The following UBR3 variants were observed in gnomAD, a reference collection of about 807,000 sequenced individuals.
UBR3 encodes E3 ubiquitin-protein ligase UBR3.
A neutral mutation model predicts 243.2 loss-of-function variants in UBR3; 85 were observed. The observed-to-expected ratio is 0.35, with a 90% CI of 0.29 to 0.42. The LOEUF is 0.42. Ranked by LOEUF, UBR3 falls within the 10% of genes least tolerant of loss-of-function variation. UBR3 has a pLI of 1.00. For synonymous variants in UBR3, 748 were observed against 799.8 expected (o/e 0.94, Z 1.09); for missense variants, 1,686 against 2,300.8 (o/e 0.73, Z 5.47).
chr2:169,909,115 G>T (rs1195049367), intron 10 of UBR3, among the ~76,000 whole-genome samples: 1 of 152,136 alleles, frequency 6.6e-6, no homozygotes, highest in Non-Finnish European at 1.5e-5. Flanking sequence ...GAGCCACCAC[G>T]CCCGGCCTTG....
At chr2:170,023,795 CTTGA>C (rs2090455173) in intron 30 of UBR3, among the ~76,000 whole-genome samples, 5 of 152,006 alleles carry the variant, frequency 3.3e-5, no homozygotes, top group Non-Finnish European at 7.4e-5. Context: ...GTTTCACCGT[CTTGA>C]ACTCCTGAAC....
At chr2:170,069,861 A>G (rs754644861) in intron 35 of UBR3, among the ~76,000 whole-genome samples, 2 of 152,120 alleles carry the variant, frequency 1.3e-5, no homozygotes, top group Non-Finnish European at 2.9e-5. Context: ...AGTCCCTTAC[A>G]TAAAATAGTG....
intron 19 of UBR3, among the ~76,000 whole-genome samples, chr2:169,936,541 C>T (rs2086338443): frequency 6.6e-6 from 1 of 150,878 alleles, no homozygotes; most frequent in Admixed American, 6.6e-5. Flanking sequence ...TATTATTATA[C>T]TTTAAGTTCT....
chr2:170,047,083 C>T (rs561797795), intron 32 of UBR3, among the ~76,000 whole-genome samples: 5 of 152,276 alleles, frequency 3.3e-5, no homozygotes, highest in African/African-American at 9.6e-5. Flanking sequence ...CAGCCTTGAC[C>T]TCCTGGGCTC....
intron 38 of UBR3, among the ~76,000 whole-genome samples, chr2:170,081,364 G>GT (rs945963442): frequency 1.3e-5 from 2 of 152,038 alleles, no homozygotes; most frequent in African/African-American, 4.8e-5. Flanking sequence ...GCCGGGTGTG[G>GT]TGGCGGGCCC....
chr2:170,076,164 C>T (rs982043899), intron 36 of UBR3, among the ~76,000 whole-genome samples: 9 of 152,238 alleles, frequency 5.9e-5, no homozygotes, highest in South Asian at 4.1e-4. Flanking sequence ...AGTGGTGGGG[C>T]AGGATCTTGT....
At chr2:169,902,612 TC>T (rs2084870697) in intron 8 of UBR3, among the ~76,000 whole-genome samples, 1 of 65,104 alleles carries the variant, frequency 1.5e-5, no homozygotes, top group African/African-American at 5.8e-5. Context: ...CTCAGGAGAG[TC>T]TTTTTTTTTT....
At chr2:170,035,240 T>G (rs572049460) in intron 31 of UBR3, among the ~76,000 whole-genome samples, 1 of 152,156 alleles carries the variant, frequency 6.6e-6, no homozygotes, top group Admixed American at 6.6e-5. Flanking sequence ...ATCTAAAAAG[T>G]CATTGCCATA....
At chr2:169,890,055 A>G (rs1189192365) in intron 5 of UBR3, among the ~76,000 whole-genome samples, 3 of 152,170 alleles carry the variant, frequency 2.0e-5, no homozygotes, top group Admixed American at 2.0e-4. Context: ...GAAGTTGTTG[A>G]TTCATATGTA....
chr2:169,890,551 A>ATATATATGTG (rs1553504478), intron 5 of UBR3, among the ~76,000 whole-genome samples: 32 of 102,018 alleles, frequency 3.1e-4, no homozygotes, highest in African/African-American at 1.4e-3. Context: ...ATATATATAT[A>ATATATATGTG]TATATATATA....
intron 35 of UBR3, among the ~76,000 whole-genome samples, chr2:170,071,836 G>C (rs572443408): frequency 6.6e-6 from 1 of 152,248 alleles, no homozygotes; most frequent in East Asian, 1.9e-4. Context: ...GCATTAGGAG[G>C]ACAGAGTTCC....
At chr2:169,991,854 T>A (rs2089289854) in intron 25 of UBR3, among the ~76,000 whole-genome samples, 2 of 152,148 alleles carry the variant, frequency 1.3e-5, no homozygotes, top group Admixed American at 1.3e-4. Context: ...AGTGTTGGGA[T>A]TACAGGTGTG....
chr2:170,035,910 T>TTTTGGG (rs71006065), intron 31 of UBR3, among the ~76,000 whole-genome samples: 1 of 120,340 alleles, frequency 8.3e-6, no homozygotes, highest in Non-Finnish European at 1.7e-5. Flanking sequence ...AGTATTTTAT[T>TTTTGGG]GGGGGGGGGG....
chr2:169,959,547 A>G (rs2087469063), intron 24 of UBR3, among the ~76,000 whole-genome samples: 1 of 152,072 alleles, frequency 6.6e-6, no homozygotes, highest in South Asian at 2.1e-4. Flanking sequence ...TATGAAGTTC[A>G]AAATCTCTAT....
intron 32 of UBR3, among the ~76,000 whole-genome samples, chr2:170,052,361 A>C (rs530777166): frequency 6.6e-6 from 1 of 152,196 alleles, no homozygotes; most frequent in Admixed American, 6.5e-5. Context: ...CATCCTAAGG[A>C]AGTAAAATCA....
In UBR3 at chr2:169,949,609, C is replaced by A. The variant is rs1396668173; in HGVS notation, c.3089C>A (p.Ser1030Tyr). 1.3e-5 allele frequency: 20 copies of A among 1,531,742 alleles called. 1 individual carries two copies. Among genetic ancestry groups the A allele is most frequent in the Non-Finnish European group, 1.7e-5 (19 of 1,139,506 alleles). 94.9% of individuals were successfully genotyped at this position (1,531,742 alleles called of 1,614,324 possible). ...SSDNLGSLQN[S>Y]GTAQVFSLVA... ...GTTTCTCTTTGTTAATGGTAGAATT[C>A]TGGTACAGCTCAAGTTTTCAGTTTA... is the stretch of plus-strand genomic sequence containing the variant. The change falls in exon 23 of 39, where the codon TCT (serine) becomes TAT (tyrosine). Residue 1030 changes from serine (S) to tyrosine (Y), a missense_variant. Physicochemically the swap from Ser to Tyr is moderately radical, Grantham distance 144. Around this residue, in one of 8 missense-constraint regions of UBR3, gnomAD observed 300 missense variants for 314.4 expected, o/e 0.95. Coordinates refer to ENST00000272793, the MANE Select transcript of UBR3 (RefSeq NM_172070.4).
At chr2:169,895,762 T>C (rs546677187) in intron 7 of UBR3, among the ~76,000 whole-genome samples, 2 of 152,304 alleles carry the variant, frequency 1.3e-5, no homozygotes, top group South Asian at 4.1e-4. Context: ...GAACAGTTAT[T>C]GACTCATATA....
At chr2:170,055,742 A>G (rs571543960) in intron 33 of UBR3, among the ~76,000 whole-genome samples, 158 bp downstream of exon 33, 6 of 152,310 alleles carry the variant, frequency 3.9e-5, no homozygotes, top group African/African-American at 1.4e-4. Context: ...TGTTTTCACT[A>G]AACAATGAGG....
intron 1 of UBR3, among the ~76,000 whole-genome samples, chr2:169,831,520 A>G (rs939524141): frequency 1.2e-4 from 19 of 152,164 alleles, no homozygotes; most frequent in African/African-American, 4.3e-4. Context: ...ATGTGTCAGC[A>G]GTTGCCATGT....
Sources: gnomAD v4.1 joint callset for allele counts (sites outside exome capture counted in the v4.1 genomes callset) on GRCh38, gnomAD v4.1.1 for gene constraint, gnomAD v4.1.1 regional missense constraint, MANE v1.5 for transcripts, NCBI Gene and HGNC (gene_info 2026-07-23, HGNC 2026-07-21) for gene names.